PDE7B: variants seen among roughly 807,000 people sequenced by gnomAD.
PDE7B encodes 3',5'-cyclic-AMP phosphodiesterase 7B.
In PDE7B, 29 loss-of-function variants were observed where a neutral mutation model predicts 56.2. The ratio of observed to expected loss-of-function variants is 0.52; its 90% confidence interval spans 0.38 to 0.70. PDE7B has a LOEUF of 0.70. PDE7B is among the 30% of genes least tolerant of loss of function. The pLI is 0.00. For synonymous variants in PDE7B, 197 were observed against 196.9 expected (o/e 1.00, Z 0.00); for missense variants, 490 against 565.0 (o/e 0.87, Z 1.35).
At chr6:136,055,755 T>C (rs1323793939) in intron 2 of PDE7B, among the ~76,000 whole-genome samples, 1 of 152,182 alleles carries the variant, frequency 6.6e-6, no homozygotes, top group Non-Finnish European at 1.5e-5. Context: ...CCAGACATTG[T>C]TTCTGAGACC....
intron 1 of PDE7B, among the ~76,000 whole-genome samples, chr6:135,939,074 A>G (rs959170885): frequency 3.9e-5 from 6 of 152,232 alleles, no homozygotes; most frequent in Non-Finnish European, 7.3e-5. Flanking sequence ...TGACTGAAGA[A>G]GAAAACAAAG....
chr6:136,137,155 T>C (rs1778226057), intron 3 of PDE7B, among the ~76,000 whole-genome samples: 1 of 151,996 alleles, frequency 6.6e-6, no homozygotes, highest in Admixed American at 6.6e-5. Context: ...CCCTGGAGGC[T>C]GAGGCAGGAG....
intron 1 of PDE7B, among the ~76,000 whole-genome samples, chr6:135,933,961 A>G (rs1392643122): frequency 6.6e-6 from 1 of 152,162 alleles, no homozygotes; most frequent in Non-Finnish European, 1.5e-5. Context: ...CAACCCAATG[A>G]TTTGGGATTG....
chr6:135,968,722 G>C (rs146746788), intron 2 of PDE7B, among the ~76,000 whole-genome samples: 2,616 of 152,292 alleles, frequency 0.017, 68 homozygotes, highest in African/African-American at 0.059. Context: ...GAGGAAGACA[G>C]TGTGGTGATT....
At chr6:135,949,956 G>A (rs561858218) in intron 2 of PDE7B, among the ~76,000 whole-genome samples, 40 of 152,180 alleles carry the variant, frequency 2.6e-4, no homozygotes, top group African/African-American at 9.4e-4. Flanking sequence ...GATTTTTTAA[G>A]AGAATTGCTG....
chr6:135,901,492 T>C (rs1315193848), intron 1 of PDE7B, among the ~76,000 whole-genome samples: 1 of 152,164 alleles, frequency 6.6e-6, no homozygotes. Context: ...ACAGACCTTT[T>C]TTTGCAAGAA....
chr6:135,857,028 C>CCCTT (rs1171330762), intron 1 of PDE7B, among the ~76,000 whole-genome samples: 12 of 22,026 alleles, frequency 5.4e-4, no homozygotes, highest in African/African-American at 7.4e-4. Context: ...TCCTTTTCCT[C>CCCTT]CCTCCCTCCC....
intron 2 of PDE7B, among the ~76,000 whole-genome samples, chr6:136,014,134 T>A (rs530764937): frequency 1.3e-5 from 2 of 152,322 alleles, no homozygotes; most frequent in South Asian, 4.1e-4. Flanking sequence ...TTCAAGTTAG[T>A]TTTTTAAAAG....
In PDE7B at chr6:136,116,466, A is replaced by G. The variant is rs534534237; in HGVS notation, c.166+7652A>G. 1.2e-3 allele frequency among the ~76,000 whole-genome samples: 178 copies of G among 152,346 alleles called. 1 individual carries two copies. The highest frequency in any genetic ancestry group is 2.1e-3 in the Non-Finnish European group (145 of 68,036). Reference sequence around the variant, plus strand: ...ACACAGTTTCAATGAATCCAAAGAAATGTAATCAGGCTGCAGACTGTGATG... The same window carrying G: ...ACACAGTTTCAATGAATCCAAAGAAGTGTAATCAGGCTGCAGACTGTGATG... On this transcript the variant is annotated intron_variant, in intron 3 of 12. Coordinates refer to ENST00000308191, the MANE Select transcript of PDE7B (RefSeq NM_018945.4).
chr6:136,122,668 G>A (rs1777957188), intron 3 of PDE7B, among the ~76,000 whole-genome samples: 1 of 152,194 alleles, frequency 6.6e-6, no homozygotes, highest in Admixed American at 6.5e-5. Flanking sequence ...TCTATTGAAA[G>A]TGTTCTATGT....
At chr6:136,085,774 T>C (rs11962567) in intron 2 of PDE7B, among the ~76,000 whole-genome samples, 4,200 of 152,274 alleles carry the variant, frequency 0.028, 188 homozygotes, top group African/African-American at 0.094. Flanking sequence ...ACCGGGAAGT[T>C]ATTGCCCCCA....
At chr6:136,134,521 C>T (rs1778176034) in intron 3 of PDE7B, among the ~76,000 whole-genome samples, 1 of 152,004 alleles carries the variant, frequency 6.6e-6, no homozygotes, top group Non-Finnish European at 1.5e-5. Context: ...TTCTTTAGGA[C>T]TGAGGAAACT....
intron 3 of PDE7B, among the ~76,000 whole-genome samples, chr6:136,110,060 G>A (rs965344661): frequency 6.6e-6 from 1 of 152,118 alleles, no homozygotes; most frequent in Non-Finnish European, 1.5e-5. Flanking sequence ...ATAGTAGGTG[G>A]CATGTTTGTA....
intron 2 of PDE7B, among the ~76,000 whole-genome samples, chr6:136,090,269 C>T (rs987487008): frequency 2.6e-5 from 4 of 152,110 alleles, no homozygotes; most frequent in Admixed American, 1.3e-4. Context: ...CTAAAAGGTC[C>T]AGAAAAGACC....
chr6:136,033,137 C>A (rs1047460960), intron 2 of PDE7B, among the ~76,000 whole-genome samples: 1 of 152,254 alleles, frequency 6.6e-6, no homozygotes, highest in East Asian at 1.9e-4. Context: ...GGGCACACAC[C>A]GAAGTATCAG....
chr6:136,052,009 A>G (rs1402892168), intron 2 of PDE7B, among the ~76,000 whole-genome samples: 2 of 152,144 alleles, frequency 1.3e-5, no homozygotes, highest in Admixed American at 1.3e-4. Context: ...GTTTAAATAA[A>G]GATTTAAATA....
chr6:135,865,654 T>A (rs1241566951), intron 1 of PDE7B, among the ~76,000 whole-genome samples: 1 of 150,644 alleles, frequency 6.6e-6, no homozygotes, highest in Admixed American at 6.6e-5. Context: ...TGTGTGTATG[T>A]GTGGAGAGAG....
intron 2 of PDE7B, among the ~76,000 whole-genome samples, chr6:136,007,975 C>T (rs1379348080): frequency 1.3e-5 from 2 of 151,100 alleles, no homozygotes; most frequent in East Asian, 1.9e-4. Flanking sequence ...TAATGCTATC[C>T]CTCCCCCATC....
At chr6:136,110,978 A>C (rs1168018827) in intron 3 of PDE7B, 1 of 150,914 alleles carries the variant, frequency 6.6e-6, no homozygotes, top group Non-Finnish European at 1.5e-5. Flanking sequence ...CCCCCATTTC[A>C]CCCCACCTGG....
Sources: allele counts gnomAD v4.1 joint callset (sites outside exome capture counted in the v4.1 genomes callset), GRCh38; gene constraint gnomAD v4.1.1; transcripts MANE v1.5; gene names NCBI Gene and HGNC (gene_info 2026-07-23, HGNC 2026-07-21).